DNAH9: variants seen among roughly 807,000 people sequenced by gnomAD.
DNAH9 encodes dynein axonemal heavy chain 9.
DNAH9 carries 345 observed loss-of-function variants against 471.6 expected under a neutral mutation model. The observed-to-expected ratio is 0.73, with a 90% CI of 0.67 to 0.80. DNAH9 has a LOEUF of 0.80. DNAH9 is among the 30% of genes least tolerant of loss of function. The pLI is 0.00. For synonymous variants in DNAH9, 2,093 were observed against 2,123.6 expected (o/e 0.99, Z 0.40); for missense variants, 5,407 against 5,609.2 (o/e 0.96, Z 1.15).
chr17:11,742,087 G>A, intron 29 of DNAH9, 88 bp from the exon 30 acceptor site: 2 of 1,226,526 alleles, frequency 1.6e-6, no homozygotes, highest in Non-Finnish European at 2.3e-6. Context: ...CTCCATGTGT[G>A]ATCTCGGCCA....
At chr17:11,694,845 C>T (rs376329095) in intron 22 of DNAH9, among the ~76,000 whole-genome samples, 9 of 362 alleles carry the variant, frequency 0.025, no homozygotes, top group Admixed American at 0.071. Flanking sequence ...TCTTTCCTTC[C>T]TTCCTTCCTT....
At chr17:11,635,392 G>T (rs970202219) in intron 8 of DNAH9, among the ~76,000 whole-genome samples, 2 of 148,780 alleles carry the variant, frequency 1.3e-5, no homozygotes, top group African/African-American at 5.0e-5. Flanking sequence ...TGTTGGCCAG[G>T]CTGGTCTTGA....
chr17:11,603,441 G>A (rs2072428449), intron 1 of DNAH9, among the ~76,000 whole-genome samples: 1 of 152,158 alleles, frequency 6.6e-6, no homozygotes, highest in South Asian at 2.1e-4. Flanking sequence ...CACTTTGACT[G>A]CAGCATCTCT....
At chr17:11,700,094 A>C (rs1009864873) in intron 23 of DNAH9, among the ~76,000 whole-genome samples, 5 of 152,190 alleles carry the variant, frequency 3.3e-5, no homozygotes, top group Non-Finnish European at 7.3e-5. Flanking sequence ...ACATGTCAAC[A>C]TTCATATCTT....
chr17:11,901,476 G>A lies in DNAH9; in HGVS notation c.11407-1243G>A, dbSNP rs916223568. Among the ~76,000 whole-genome samples, 10 of 152,058 alleles carry A rather than the reference G, an allele frequency of 6.6e-5. No homozygotes were observed. The East Asian group carries it at 7.7e-4, about 12-fold the overall frequency. ...TTTGGGAGGTCGAGGCGGGTGGATC[G>A]CCTGAGGTCAGGAGTTCAAGACCAG... On this transcript the variant is annotated intron_variant, in intron 59 of 68. Coordinates refer to ENST00000262442, the MANE Select transcript of DNAH9 (RefSeq NM_001372.4).
Position 11,744,896 on chromosome 17 carries a change from A to G in DNAH9, c.6211A>G (p.Met2071Val). 6.2e-7 allele frequency: 1 copy of G among 1,614,122 alleles called. No individual in the cohort carries two copies. The highest frequency in any genetic ancestry group is 8.5e-7 in the Non-Finnish European group (1 of 1,180,024). ...DPDRPEDQVL[M>V]RSLRDFNIPK... ...TGACCGGCCTGAGGACCAGGTCCTG[A>G]TGCGCTCCTTGCGGGATTTCAACAT... Residue 2071 changes from methionine to valine, a missense_variant, in exon 31 of 69, where the codon ATG (methionine) becomes GTG (valine). Coordinates refer to ENST00000262442, the MANE Select transcript of DNAH9 (RefSeq NM_001372.4).
intron 35 of DNAH9, among the ~76,000 whole-genome samples, chr17:11,759,833 C>T (rs1007373156): frequency 1.3e-5 from 2 of 152,000 alleles, no homozygotes; most frequent in Admixed American, 6.5e-5. Flanking sequence ...ACTACAGGCA[C>T]GTGCCACCAT....
intron 59 of DNAH9, among the ~76,000 whole-genome samples, chr17:11,897,706 C>T (rs1973263199): frequency 6.6e-6 from 1 of 152,172 alleles, no homozygotes; most frequent in South Asian, 2.1e-4. Flanking sequence ...TGTCTTATTC[C>T]TCTGAGCCTT....
rs968885222 is a variant in DNAH9 at position 11,933,469 on chromosome 17, C to T, written c.12298-411C>T. 2.0e-5 allele frequency among the ~76,000 whole-genome samples: 3 copies of T among 152,016 alleles called. 1 individual carries two copies. The highest frequency in any genetic ancestry group is 1.3e-4 in the Admixed American group (2 of 15,248). ...GACCTCAGCTCACCACAACCTCCGC[C>T]TCCCGGGTTCAAGAGATTCTCCTGT... On this transcript the variant is annotated intron_variant, in intron 64 of 68. Coordinates refer to ENST00000262442, the MANE Select transcript of DNAH9 (RefSeq NM_001372.4).
intron 10 of DNAH9, among the ~76,000 whole-genome samples, chr17:11,644,348 C>G (rs906730681): frequency 3.3e-5 from 5 of 152,028 alleles, no homozygotes; most frequent in African/African-American, 1.2e-4. Context: ...CCTCACATAC[C>G]TTGTGTGTGA....
At position 11,701,470 on chromosome 17, in the gene DNAH9, T is replaced by C. The variant is rs78946874; in HGVS notation, c.5151+223T>C. On this transcript the variant is annotated intron_variant, in intron 24 of 68. Coordinates refer to ENST00000262442, the MANE Select transcript of DNAH9 (RefSeq NM_001372.4). The stretch of plus-strand genomic sequence containing the variant: ...TTGGGAAATCAAGGGTGATCTCTTT[T>C]TGCCCTCATTGGCTACAGAAGGGAG... 8.0e-3 allele frequency among the ~76,000 whole-genome samples: 1,216 copies of C among 152,300 alleles called. 13 individuals carry two copies. Among genetic ancestry groups the C allele is most frequent in the African/African-American group, 0.027 (1,133 of 41,558 alleles).
intron 14 of DNAH9, among the ~76,000 whole-genome samples, chr17:11,661,884 C>T (rs930199646): frequency 6.6e-6 from 1 of 152,076 alleles, no homozygotes; most frequent in African/African-American, 2.4e-5. Flanking sequence ...TTTATATTTA[C>T]TCACATACTC....
At chr17:11,755,172 T>C (rs1967324672) in intron 33 of DNAH9, among the ~76,000 whole-genome samples, 1 of 152,216 alleles carries the variant, frequency 6.6e-6, no homozygotes, top group Non-Finnish European at 1.5e-5. Flanking sequence ...TTCTGTTCCA[T>C]TGATCTATGT....
chr17:11,719,210 A>C lies in DNAH9; in HGVS notation c.5553-124A>C. On this transcript the variant is annotated intron_variant, in intron 26 of 68. Transcript: ENST00000262442. ...TCCCCACAGTGCTGTGGGGAGCGGG[A>C]AAAAGGGGCAGGGCTCTTGGCTTTC... 7.5e-6 allele frequency: 7 copies of C among 938,796 alleles called. No individual in the cohort carries two copies. The South Asian group carries it at 1.2e-4, about 16-fold the overall frequency. The allele number at this position is 938,796 out of a possible 1,614,324, so 58.2% of individuals were successfully genotyped here.
At position 11,704,341 on chromosome 17, in the gene DNAH9, C is replaced by T; in HGVS notation, c.5290C>T (p.Leu1764=). The T allele has an allele frequency of 6.2e-7, 1 of 1,614,170 alleles. No individual in the cohort carries two copies. Among genetic ancestry groups the T allele is most frequent in the South Asian group, 1.1e-5 (1 of 91,084 alleles). Residue 1764 remains leucine, a synonymous_variant, in exon 25 of 69, where the codon CTG becomes TTG. Transcript: ENST00000262442. ...CCAGCTCAAAACCCTTATCACCATG[C>T]TGATTGGCCAGCTCTCCAAGGGAGA... ...VAQLKTLITM[L]IGQLSKGDRQ...
intron 24 of DNAH9, among the ~76,000 whole-genome samples, chr17:11,702,315 AAG>A (rs2074615883): frequency 1.3e-5 from 2 of 152,222 alleles, no homozygotes; most frequent in Non-Finnish European, 1.5e-5. Flanking sequence ...GAAGCATAAT[AAG>A]AGAGAAGCCA....
Position 11,691,960 on chromosome 17 carries a change from C to T in DNAH9, c.4614+1524C>T, listed in dbSNP as rs149143817. Among the ~76,000 whole-genome samples, 648 of 152,176 alleles carry T rather than the reference C, an allele frequency of 4.3e-3. 5 individuals are homozygous for T. Among genetic ancestry groups the T allele is most frequent in the South Asian group, 7.9e-3 (38 of 4,810 alleles). ...CTGGGATTACAGATGAGTGCCACCA[C>T]GCCCAGCTAATTTTTGTATTTTTAG... On this transcript the variant is annotated intron_variant, in intron 20 of 68. Coordinates refer to ENST00000262442, the MANE Select transcript of DNAH9 (RefSeq NM_001372.4).
At chr17:11,861,389 G>A (rs1222903287) in intron 50 of DNAH9, among the ~76,000 whole-genome samples, 2 of 151,056 alleles carry the variant, frequency 1.3e-5, no homozygotes, top group East Asian at 1.9e-4. Flanking sequence ...ATTCCATGGT[G>A]TATATGTGCC....
intron 52 of DNAH9, among the ~76,000 whole-genome samples, chr17:11,872,372 C>T (rs1972302336): frequency 7.8e-6 from 1 of 128,822 alleles, no homozygotes. Context: ...CACCCGCCCC[C>T]CACCCCCTGC....
Sources: gnomAD v4.1 joint callset for allele counts (sites outside exome capture counted in the v4.1 genomes callset) on GRCh38, gnomAD v4.1.1 for gene constraint, MANE v1.5 for transcripts, NCBI Gene and HGNC (gene_info 2026-07-23, HGNC 2026-07-21) for gene names.